CST8: variants seen among roughly 807,000 people sequenced by gnomAD.
CST8 encodes the protein cystatin-8.
In CST8, 20 loss-of-function variants were observed where a neutral mutation model predicts 11.8. That is an observed-to-expected ratio of 1.70 (90% CI 1.20 to 2.47). CST8 has a LOEUF of 2.47. Ranked by LOEUF, CST8 falls within the 30% of genes most tolerant of loss-of-function variation. The pLI, the probability that CST8 is intolerant of heterozygous loss-of-function variation, is 0.00. For missense variants in CST8, 196 were observed against 167.2 expected, an observed-to-expected ratio of 1.17 and a Z score of -0.95; for synonymous variants, 77 against 63.1, an observed-to-expected ratio of 1.22 and a Z score of -1.05.
chr20:23,491,407 A>T, intron 1 of CST8, 65 bp downstream of exon 1: 1 of 521,126 alleles, frequency 1.9e-6, no homozygotes, highest in South Asian at 2.2e-5. Flanking sequence ...GATTGCTCTC[A>T]GGGTAAGGAG....
At chr20:23,502,855 T>G in the CST8 span, among the ~76,000 whole-genome samples, 2 of 152,208 alleles carry the variant, frequency 1.3e-5, no homozygotes, top group Non-Finnish European at 2.9e-5. Context: ...AAACTTGATA[T>G]TTTTCTTTAG....
In CST8 at chr20:23,495,954, T is replaced by C; in HGVS notation, c.*40T>C. On this transcript the variant is annotated 3_prime_UTR_variant, in exon 4 of 4. Coordinates refer to ENST00000246012, the MANE Select transcript of CST8 (RefSeq NM_005492.4). ...ATCCCTCCAACCTCTGTGACTACTT[T>C]ATCCATGAAAATGAAGCAATGGCAG... is the stretch of plus-strand genomic sequence containing the variant. 1.3e-6 allele frequency: 2 copies of C among 1,487,636 alleles called. No homozygotes were observed. Among genetic ancestry groups the C allele is most frequent in the African/African-American group, 2.8e-5 (2 of 70,998 alleles). 92.2% of individuals were successfully genotyped at this position (1,487,636 alleles called of 1,614,324 possible). A position where few individuals can be genotyped will look rare whatever the true frequency, so the allele number is the denominator to read the frequency against.
At chr20:23,492,856 G>A in intron 2 of CST8, 102 bp from the exon 3 acceptor site, 4 of 756,788 alleles carry the variant, frequency 5.3e-6, no homozygotes, top group Non-Finnish European at 9.4e-6. Flanking sequence ...GAGGGAGGAA[G>A]GAAAGAGGAA....
chr20:23,493,288 T>C (rs1012960769), intron 3 of CST8, among the ~76,000 whole-genome samples: 1 of 152,164 alleles, frequency 6.6e-6, no homozygotes, highest in African/African-American at 2.4e-5. Flanking sequence ...AGAAAGGATG[T>C]TGTCAAGACC....
At chr20:23,492,086 T>C (rs927793566) in intron 2 of CST8, among the ~76,000 whole-genome samples, 188 bp downstream of exon 2, 2 of 152,226 alleles carry the variant, frequency 1.3e-5, no homozygotes, top group African/African-American at 4.8e-5. Flanking sequence ...TACAAACGCT[T>C]GCGCTTTTGT....
chr20:23,491,940 G>T, intron 2 of CST8, 42 bp downstream of exon 2: 1 of 1,499,938 alleles, frequency 6.7e-7, no homozygotes, highest in East Asian at 2.3e-5. Flanking sequence ...TGCATATGGT[G>T]GCACAGTTGA....
At chr20:23,502,485 G>A in the CST8 span, among the ~76,000 whole-genome samples, 4 of 152,114 alleles carry the variant, frequency 2.6e-5, no homozygotes, top group South Asian at 2.1e-4. Context: ...AGTGCCGCAC[G>A]GCCCCCACGT....
At chr20:23,495,547 A>C (rs1461360300) in intron 3 of CST8, among the ~76,000 whole-genome samples, 2 of 152,234 alleles carry the variant, frequency 1.3e-5, no homozygotes, top group Admixed American at 6.5e-5. Context: ...GGAATTAAAC[A>C]TAATGTCAAG....
the CST8 span, among the ~76,000 whole-genome samples, chr20:23,504,787 G>A: frequency 6.6e-6 from 1 of 152,118 alleles, no homozygotes; most frequent in Admixed American, 6.5e-5. Flanking sequence ...CTGGCAAAAT[G>A]GAGAGACAGA....
At chr20:23,495,051 G>A (rs1159542887) in intron 3 of CST8, among the ~76,000 whole-genome samples, 1 of 152,182 alleles carries the variant, frequency 6.6e-6, no homozygotes, top group Non-Finnish European at 1.5e-5. Flanking sequence ...ACTTATAAGT[G>A]AGAACATGTG....
intron 3 of CST8, among the ~76,000 whole-genome samples, chr20:23,495,228 G>T (rs1344077122): frequency 6.6e-6 from 1 of 152,056 alleles, no homozygotes; most frequent in Non-Finnish European, 1.5e-5. Flanking sequence ...CAGGCATTTA[G>T]GCTGACTTGA....
At chr20:23,492,851 A>G in intron 2 of CST8, 107 bp from the exon 3 acceptor site, 1 of 741,178 alleles carries the variant, frequency 1.3e-6, no homozygotes, top group Non-Finnish European at 2.4e-6. Context: ...GGGGTGAGGG[A>G]GGAAGGAAAG....
Position 23,492,946 on chromosome 20 carries a change from G to C in CST8, c.232-12G>C. 6.9e-7 allele frequency: 1 copy of C among 1,450,382 alleles called. No individual in the cohort carries two copies. The highest frequency in any genetic ancestry group is 9.7e-7 in the Non-Finnish European group (1 of 1,032,162). 89.8% of individuals were successfully genotyped at this position (1,450,382 alleles called of 1,614,324 possible). On this transcript the variant is annotated splice_polypyrimidine_tract_variant and intron_variant, in intron 2 of 3. Transcript: ENST00000246012. ...CTCTTTTGAATAAAATTGCATAATT[G>C]CTAACCAACAGGTCACAAATCTTCT...
At chr20:23,507,014 G>A in the CST8 span, among the ~76,000 whole-genome samples, 2 of 152,236 alleles carry the variant, frequency 1.3e-5, no homozygotes, top group East Asian at 3.9e-4. Context: ...GCATGCACAT[G>A]CCTTGTTCAC....
At chr20:23,504,846 G>C in the CST8 span, among the ~76,000 whole-genome samples, 4 of 152,094 alleles carry the variant, frequency 2.6e-5, no homozygotes, top group Admixed American at 1.3e-4. Flanking sequence ...ACAAGTACTA[G>C]TTTCCCCAAA....
chr20:23,501,236 T>A, the CST8 span, among the ~76,000 whole-genome samples: 1 of 152,210 alleles, frequency 6.6e-6, no homozygotes, highest in Admixed American at 6.5e-5. Flanking sequence ...CCAGTTCTCC[T>A]TCAGATAGTA....
chr20:23,503,749 C>T, the CST8 span, among the ~76,000 whole-genome samples: 20 of 152,304 alleles, frequency 1.3e-4, no homozygotes, highest in African/African-American at 4.6e-4. Context: ...GGCGGAAGTA[C>T]AGGAGAGACA....
chr20:23,503,717 G>C, the CST8 span, among the ~76,000 whole-genome samples: 1 of 152,216 alleles, frequency 6.6e-6, no homozygotes, highest in African/African-American at 2.4e-5. Context: ...TCCCACCCAC[G>C]GGACTGGAGG....
At chr20:23,506,218 C>A in the CST8 span, among the ~76,000 whole-genome samples, 171 of 152,196 alleles carry the variant, frequency 1.1e-3, no homozygotes, top group Non-Finnish European at 1.6e-3. Context: ...AATCAAGGGG[C>A]TTAGGGCTCA....
Sources: allele counts gnomAD v4.1 joint callset (sites outside exome capture counted in the v4.1 genomes callset), GRCh38; gene constraint gnomAD v4.1.1; transcripts MANE v1.5; gene names NCBI Gene and HGNC (gene_info 2026-07-23, HGNC 2026-07-21).